BMP2K: variants seen among roughly 807,000 people sequenced by gnomAD.
BMP2K encodes BMP2 inducible kinase, also known as BMP-2-inducible protein kinase.
A neutral mutation model predicts 116.0 loss-of-function variants in BMP2K; 74 were observed. The observed-to-expected ratio is 0.64, with a 90% CI of 0.53 to 0.77. BMP2K has a LOEUF of 0.77. Ranked by LOEUF, BMP2K falls within the 30% of genes least tolerant of loss-of-function variation. The pLI, the probability that BMP2K is intolerant of heterozygous loss-of-function variation, is 0.00. For missense variants in BMP2K, 1,365 were observed against 1,403.6 expected (o/e 0.97, Z 0.44); for synonymous variants, 486 against 502.5 (o/e 0.97, Z 0.44).
At chr4:78,893,706 G>A (rs902496728) in intron 15 of BMP2K, among the ~76,000 whole-genome samples, 1 of 152,160 alleles carries the variant, frequency 6.6e-6, no homozygotes. Flanking sequence ...GGGACTATAG[G>A]CATGCACTAC....
At chr4:78,786,053 T>C (rs1162127141) in intron 1 of BMP2K, among the ~76,000 whole-genome samples, 1 of 152,160 alleles carries the variant, frequency 6.6e-6, no homozygotes, top group Non-Finnish European at 1.5e-5. Flanking sequence ...TATATTACAC[T>C]GATGTGCTTG....
chr4:78,879,135 A>G (rs1432708019), intron 14 of BMP2K: 28 of 1,203,578 alleles, frequency 2.3e-5, no homozygotes, highest in Non-Finnish European at 2.2e-5. Flanking sequence ...TAAAACTTAA[A>G]TATTGCATAT....
chr4:78,830,146 G>A (rs1577906967), intron 2 of BMP2K, among the ~76,000 whole-genome samples: 1 of 152,146 alleles, frequency 6.6e-6, no homozygotes, highest in African/African-American at 2.4e-5. Context: ...CAAAATGCTA[G>A]GATTATAGGC....
chr4:78,830,785 TG>T (rs1730171255), intron 2 of BMP2K, among the ~76,000 whole-genome samples: 1 of 152,226 alleles, frequency 6.6e-6, no homozygotes, highest in South Asian at 2.1e-4. Flanking sequence ...TTCATAGAAT[TG>T]AAGGCAGTTG....
Position 78,794,480 on chromosome 4 carries a change from T to C in BMP2K, c.178+17759T>C, listed in dbSNP as rs148609640. Reference sequence around the variant, plus strand: ...GTACATTGGAGATTCATACACTTCATGCTGGGAACCTGATCGAAATAGATA... The same window carrying C: ...GTACATTGGAGATTCATACACTTCACGCTGGGAACCTGATCGAAATAGATA... On this transcript the variant is annotated intron_variant, in intron 1 of 15. Coordinates refer to ENST00000502613, the MANE Select transcript of BMP2K (RefSeq NM_198892.2). 3.2e-3 allele frequency among the ~76,000 whole-genome samples: 480 copies of C among 152,344 alleles called. 2 individuals are homozygous for C. Among genetic ancestry groups the C allele is most frequent in the Middle Eastern group, 6.8e-3 (2 of 294 alleles).
chr4:78,806,139 G>T (rs558008460), intron 1 of BMP2K, among the ~76,000 whole-genome samples: 29 of 148,698 alleles, frequency 2.0e-4, no homozygotes, highest in Admixed American at 4.6e-4. Flanking sequence ...TCTGATAGGG[G>T]GTGTGTGTGT....
At chr4:78,875,088 C>T (rs1183701477) in intron 13 of BMP2K, among the ~76,000 whole-genome samples, 1 of 152,172 alleles carries the variant, frequency 6.6e-6, no homozygotes, top group Non-Finnish European at 1.5e-5. Flanking sequence ...TGTGGAACTT[C>T]ATGTGGGAAC....
chr4:78,788,052 T>A lies in BMP2K; in HGVS notation c.178+11331T>A, dbSNP rs911501261. 2.0e-5 allele frequency among the ~76,000 whole-genome samples: 3 copies of A among 148,836 alleles called. No individual in the cohort carries two copies. In the Admixed American group the frequency reaches 2.0e-4, roughly 10 times the overall value. On this transcript the variant is annotated intron_variant, in intron 1 of 15. Coordinates refer to ENST00000502613, the MANE Select transcript of BMP2K (RefSeq NM_198892.2). ...CATAAAGATACTACTACTAAAGTAA[T>A]TTTTTTTTTTCCTGAATCTTGTCAG... is the stretch of plus-strand genomic sequence containing the variant.
intron 15 of BMP2K, among the ~76,000 whole-genome samples, chr4:78,896,392 T>A (rs1345428910): frequency 6.6e-6 from 1 of 152,214 alleles, no homozygotes; most frequent in East Asian, 1.9e-4. Context: ...TAAAATTATC[T>A]GGGTTCAGTT....
chr4:78,798,299 A>T (rs1170344904), intron 1 of BMP2K, among the ~76,000 whole-genome samples: 2 of 152,172 alleles, frequency 1.3e-5, no homozygotes, highest in African/African-American at 2.4e-5. Context: ...ATTATATAAG[A>T]TTTTGGTTGA....
At chr4:78,777,683 T>G (rs1727310420) in intron 1 of BMP2K, among the ~76,000 whole-genome samples, 1 of 152,198 alleles carries the variant, frequency 6.6e-6, no homozygotes, top group Non-Finnish European at 1.5e-5. Flanking sequence ...AGTTCTATGG[T>G]TAAGATAAAA....
rs1334059272 is a variant in BMP2K, at chr4:78,796,897, A to G, written c.178+20176A>G. On this transcript the variant is annotated intron_variant, in intron 1 of 15. Transcript: ENST00000502613. ...TCTAAAATGTGACCGTGATGTAGGAAAAAGTGGATATAAAGTAGGGGAAAG... is the reference window on the plus strand; with the variant it reads ...TCTAAAATGTGACCGTGATGTAGGAGAAAGTGGATATAAAGTAGGGGAAAG... 2.0e-5 allele frequency among the ~76,000 whole-genome samples: 3 copies of G among 152,212 alleles called. No homozygotes were observed. The East Asian group carries it at 5.8e-4, about 29-fold the overall frequency.
chr4:78,841,502 T>C (rs1039249687), intron 3 of BMP2K, among the ~76,000 whole-genome samples: 1 of 152,182 alleles, frequency 6.6e-6, no homozygotes, highest in Non-Finnish European at 1.5e-5. Context: ...TTTGGTCCAT[T>C]ATCTGTTATC....
chr4:78,816,007 A>C (rs777078417), intron 1 of BMP2K, among the ~76,000 whole-genome samples: 8 of 152,204 alleles, frequency 5.3e-5, no homozygotes, highest in Non-Finnish European at 5.9e-5. Context: ...AATTCAGTCA[A>C]GGATTACGTA....
chr4:78,881,836 A>G (rs970752281), intron 14 of BMP2K, among the ~76,000 whole-genome samples: 1 of 152,074 alleles, frequency 6.6e-6, no homozygotes, highest in African/African-American at 2.4e-5. Context: ...CATCAGTATA[A>G]TATAAATCCT....
chr4:78,844,780 T>C, intron 4 of BMP2K, 148 bp from the exon 5 acceptor site: 1 of 647,278 alleles, frequency 1.5e-6, no homozygotes, highest in South Asian at 1.9e-5. Flanking sequence ...GGCACATGTA[T>C]ACTTATTTTT....
intron 15 of BMP2K, among the ~76,000 whole-genome samples, chr4:78,897,416 A>G (rs1193522675): frequency 6.6e-6 from 1 of 152,088 alleles, no homozygotes; most frequent in Non-Finnish European, 1.5e-5. Flanking sequence ...TTATGTAGCA[A>G]TGTACAAATG....
At chr4:78,909,055 CTTTTTTTTTT>C (rs1053664659) in intron 15 of BMP2K, among the ~76,000 whole-genome samples, 5 of 94,410 alleles carry the variant, frequency 5.3e-5, no homozygotes, top group African/African-American at 1.4e-4. Context: ...TTCCCTTAGT[CTTTTTTTTTT>C]TTTTTTTTTT....
intron 15 of BMP2K, among the ~76,000 whole-genome samples, chr4:78,905,103 C>T (rs1323673761): frequency 6.6e-6 from 1 of 151,574 alleles, no homozygotes; most frequent in African/African-American, 2.4e-5. Flanking sequence ...TCTATTGGTT[C>T]ATTCTTAGTT....
Sources: gnomAD v4.1 joint callset for allele counts (sites outside exome capture counted in the v4.1 genomes callset) on GRCh38, gnomAD v4.1.1 for gene constraint, MANE v1.5 for transcripts, NCBI Gene and HGNC (gene_info 2026-07-23, HGNC 2026-07-21) for gene names.